The following KIF13B variants were observed in gnomAD, a reference collection of about 807,000 sequenced individuals.
KIF13B encodes the protein kinesin-like protein KIF13B.
Under a neutral mutation model 222.0 loss-of-function variants are expected in KIF13B, and 127 were observed. That is an observed-to-expected ratio of 0.57 (90% CI 0.50 to 0.66). KIF13B has a LOEUF of 0.66. Among genes scored for constraint, KIF13B ranks in the 30% least tolerant of loss-of-function variants. The pLI, the probability that KIF13B is intolerant of heterozygous loss-of-function variation, is 0.00. For missense variants in KIF13B, 2,173 were observed against 2,379.0 expected, an observed-to-expected ratio of 0.91 and a Z score of 1.80; for synonymous variants, 976 against 919.0, an observed-to-expected ratio of 1.06 and a Z score of -1.12.
At chr8:29,133,087 C>T (rs1425415831) in intron 22 of KIF13B, among the ~76,000 whole-genome samples, 1 of 152,092 alleles carries the variant, frequency 6.6e-6, no homozygotes, top group Non-Finnish European at 1.5e-5. Context: ...AGTATTTTGG[C>T]TTTAAACGGA....
intron 37 of KIF13B, among the ~76,000 whole-genome samples, chr8:29,082,704 A>G (rs544655436): frequency 2.2e-4 from 33 of 152,354 alleles, no homozygotes; most frequent in Non-Finnish European, 3.5e-4. Context: ...GCGTTCATAT[A>G]AGAAAATTCT....
intron 13 of KIF13B, among the ~76,000 whole-genome samples, chr8:29,159,654 G>A (rs1347314946): frequency 6.6e-6 from 1 of 152,072 alleles, no homozygotes; most frequent in Non-Finnish European, 1.5e-5. Flanking sequence ...GACTAGAGGG[G>A]GCAAAGGGCT....
At chr8:29,138,387 T>C (rs919035505) in intron 21 of KIF13B, 2 of 148,480 alleles carry the variant, frequency 1.3e-5, no homozygotes, top group Non-Finnish European at 3.0e-5. Context: ...ATGCAACATT[T>C]ATCCTTCCTT....
intron 36 of KIF13B, among the ~76,000 whole-genome samples, chr8:29,096,473 A>T: frequency 6.7e-6 from 1 of 148,972 alleles, no homozygotes; most frequent in African/African-American, 2.5e-5. Context: ...TGATTTTTGT[A>T]TTTTTTTGTG....
intron 35 of KIF13B, among the ~76,000 whole-genome samples, chr8:29,099,741 C>A (rs899867870): frequency 6.6e-6 from 1 of 152,164 alleles, no homozygotes; most frequent in African/African-American, 2.4e-5. Flanking sequence ...CATACCCCCC[C>A]ACACACATTT....
Position 29,222,515 on chromosome 8 carries a change from C to CTTTTTTTT in KIF13B, c.149+22823_149+22830dup, listed in dbSNP as rs58488862. Among the ~76,000 whole-genome samples, 27 of 60,586 alleles carry CTTTTTTTT rather than the reference C, an allele frequency of 4.5e-4. 5 individuals are homozygous for CTTTTTTTT. The highest frequency in any genetic ancestry group is 2.1e-3 in the East Asian group (2 of 950). 39.7% of individuals were successfully genotyped at this position (60,586 alleles called of 152,430 possible). On this transcript the variant is annotated intron_variant, in intron 2 of 39. Transcript: ENST00000524189. Reference sequence around the variant, plus strand: ...TCCTGAGCTCAAGTCCCACACCTGACTTTTTTTTTTTTTTTTTTTTTTTTT... The same window carrying CTTTTTTTT: ...TCCTGAGCTCAAGTCCCACACCTGACTTTTTTTTTTTTTTTTTTTTTTTTTTTTTTTTT...
chr8:29,232,623 G>T (rs1408635333), intron 2 of KIF13B, among the ~76,000 whole-genome samples: 1 of 151,790 alleles, frequency 6.6e-6, no homozygotes, highest in African/African-American at 2.4e-5. Flanking sequence ...TTTTTACTTA[G>T]GAATATTTTT....
intron 35 of KIF13B, among the ~76,000 whole-genome samples, chr8:29,101,909 C>G (rs1808805259): frequency 8.7e-6 from 1 of 115,600 alleles, no homozygotes; most frequent in Admixed American, 8.0e-5. Flanking sequence ...TGGAATTACT[C>G]ACTCGATTTT....
chr8:29,247,833 CAAAAAA>C (rs57720312), intron 1 of KIF13B, among the ~76,000 whole-genome samples: 2 of 54,412 alleles, frequency 3.7e-5, no homozygotes, highest in Non-Finnish European at 7.8e-5. Flanking sequence ...GACCCTGTCT[CAAAAAA>C]AAAAAAAAAA....
chr8:29,091,195 C>T (rs1367673183), intron 37 of KIF13B, among the ~76,000 whole-genome samples: 1 of 152,170 alleles, frequency 6.6e-6, no homozygotes, highest in Non-Finnish European at 1.5e-5. Context: ...AGTTATTCTC[C>T]AATCACTACA....
In KIF13B at chr8:29,071,577, G is replaced by T; in HGVS notation, c.5218+43C>A. On this transcript the variant is annotated intron_variant, in intron 39 of 39. Coordinates refer to ENST00000524189, the MANE Select transcript of KIF13B (RefSeq NM_015254.4). The surrounding 1 kb of genome is among the most constrained non-coding windows in gnomAD (Gnocchi z 4.9). Reference sequence around the variant, plus strand: ...GGCCGGCCACGTTCCTGCTTCCCCAGACCCCCGGCACCACCCTGGAGCCCG... The same window carrying T: ...GGCCGGCCACGTTCCTGCTTCCCCATACCCCCGGCACCACCCTGGAGCCCG... The T allele has an allele frequency of 6.6e-7, 1 of 1,508,884 alleles. No homozygotes were observed. 93.5% of individuals were successfully genotyped at this position (1,508,884 alleles called of 1,614,324 possible). A position where few individuals can be genotyped will look rare whatever the true frequency, so the allele number is the denominator to read the frequency against.
intron 37 of KIF13B, among the ~76,000 whole-genome samples, chr8:29,077,620 A>G (rs1586745277): frequency 6.6e-6 from 1 of 152,258 alleles, no homozygotes; most frequent in East Asian, 1.9e-4. Context: ...AGCGCCTAAC[A>G]TGAAACCTTT....
chr8:29,198,462 C>G (rs1408535644), intron 2 of KIF13B, among the ~76,000 whole-genome samples: 1 of 152,096 alleles, frequency 6.6e-6, no homozygotes, highest in Non-Finnish European at 1.5e-5. Context: ...GCTGGGATTA[C>G]AGGGGCACAC....
chr8:29,160,234 C>A (rs1449221409), intron 13 of KIF13B, among the ~76,000 whole-genome samples: 1 of 152,208 alleles, frequency 6.6e-6, no homozygotes, highest in Non-Finnish European at 1.5e-5. Flanking sequence ...TCTAAATAAC[C>A]TATACTCTCT....
chr8:29,186,651 CA>C (rs1456935640), intron 5 of KIF13B, among the ~76,000 whole-genome samples, 179 bp from the exon 6 acceptor site: 1 of 152,038 alleles, frequency 6.6e-6, no homozygotes, highest in Admixed American at 6.6e-5. Context: ...AAGTGAAAAG[CA>C]AATGTCCTTT....
chr8:29,172,779 A>G (rs1195265474), intron 10 of KIF13B, among the ~76,000 whole-genome samples: 1 of 152,222 alleles, frequency 6.6e-6, no homozygotes, highest in East Asian at 1.9e-4. Flanking sequence ...GACGATACCC[A>G]TGAAGCCCTT....
At chr8:29,184,378 T>A (rs763202821) in intron 6 of KIF13B, among the ~76,000 whole-genome samples, 2 of 152,204 alleles carry the variant, frequency 1.3e-5, no homozygotes, top group Non-Finnish European at 2.9e-5. Flanking sequence ...CTACCACTTA[T>A]TGAGCACTTA....
At chr8:29,177,204 A>G (rs954365313) in intron 9 of KIF13B, among the ~76,000 whole-genome samples, 1 of 150,432 alleles carries the variant, frequency 6.6e-6, no homozygotes, top group African/African-American at 2.4e-5. Flanking sequence ...TAGACACTCT[A>G]CAAAGCACAG....
At chr8:29,142,631 G>A (rs749278391) in intron 18 of KIF13B, among the ~76,000 whole-genome samples, 5 of 152,082 alleles carry the variant, frequency 3.3e-5, no homozygotes, top group Non-Finnish European at 7.4e-5. Flanking sequence ...CTTGAGGTCA[G>A]GAGTTCAAGA....
Sources: allele counts gnomAD v4.1 joint callset (sites outside exome capture counted in the v4.1 genomes callset), GRCh38; gene constraint gnomAD v4.1.1; non-coding constraint Gnocchi (gnomAD v3.1); transcripts MANE v1.5; gene names NCBI Gene and HGNC (gene_info 2026-07-23, HGNC 2026-07-21).